RAB4A: variants seen among roughly 807,000 people sequenced by gnomAD.
RAB4A encodes the protein RAB4A, member RAS oncogene family, also known as ras-related protein Rab-4A.
Under a neutral mutation model 34.5 loss-of-function variants are expected in RAB4A, and 20 were observed. The observed-to-expected ratio is 0.58, with a 90% CI of 0.41 to 0.84. RAB4A has a LOEUF of 0.84. RAB4A is among the 40% of genes least tolerant of loss of function. RAB4A has a pLI of 0.00. For missense variants in RAB4A, 228 were observed against 274.5 expected, an observed-to-expected ratio of 0.83 and a Z score of 1.20; for synonymous variants, 102 against 100.0, an observed-to-expected ratio of 1.02 and a Z score of -0.12.
chr1:229,303,359 G>GA (rs869299981), intron 7 of RAB4A, among the ~76,000 whole-genome samples: 135 of 137,878 alleles, frequency 9.8e-4, no homozygotes, highest in Admixed American at 1.2e-3. Context: ...AACTGTCTCA[G>GA]AAAAAAAAAA....
At chr1:229,278,956 A>G (rs916563754) in intron 1 of RAB4A, among the ~76,000 whole-genome samples, 7 of 151,914 alleles carry the variant, frequency 4.6e-5, no homozygotes, top group African/African-American at 4.8e-5. Flanking sequence ...CCAAATCTCC[A>G]CTGTGTTGGC....
In RAB4A at chr1:229,305,126, C is replaced by T. The variant is rs748771452; in HGVS notation, c.*1333C>T. ...AGCAGAGCACAGAGACACATAAAAACTCTGGGAAATGACTAGGATAAAAAT... is the reference window on the plus strand; with the variant it reads ...AGCAGAGCACAGAGACACATAAAAATTCTGGGAAATGACTAGGATAAAAAT... On this transcript the variant is annotated 3_prime_UTR_variant, in exon 8 of 8. Coordinates refer to ENST00000366690, the MANE Select transcript of RAB4A (RefSeq NM_004578.4). The T allele has an allele frequency of 1.1e-5, 17 of 1,576,670 alleles. No individual in the cohort carries two copies. In the South Asian group the frequency reaches 1.9e-4, roughly 18 times the overall value.
In RAB4A at chr1:229,302,290, TATATATATA is replaced by T. The variant is rs1558242352; in HGVS notation, c.542-571_542-563del. On this transcript the variant is annotated intron_variant, in intron 6 of 7. Transcript: ENST00000366690. The stretch of plus-strand genomic sequence containing the variant: ...ATATATATATATATATATATATATA[TATATATATA>T]TATATATATATTTTTTTTTTTTTTT... 1.0e-2 allele frequency among the ~76,000 whole-genome samples: 245 copies of T among 24,534 alleles called. 22 individuals are homozygous for T. The highest frequency in any genetic ancestry group is 0.042 in the African/African-American group (229 of 5,466). 16.1% of individuals were successfully genotyped at this position (24,534 alleles called of 152,430 possible). A position where few individuals can be genotyped will look rare whatever the true frequency, so the allele number is the denominator to read the frequency against.
chr1:229,299,223 G>T (rs892317044), intron 6 of RAB4A, 151 bp downstream of exon 6: 6 of 589,814 alleles, frequency 1.0e-5, no homozygotes, highest in African/African-American at 1.9e-5. Flanking sequence ...GGGTTCAAAG[G>T]TCCTGTTCTT....
At chr1:229,287,620 C>T (rs905756229) in intron 2 of RAB4A, among the ~76,000 whole-genome samples, 14 of 152,248 alleles carry the variant, frequency 9.2e-5, no homozygotes, top group Middle Eastern at 6.8e-3. Context: ...CAGTAATGAA[C>T]GGAAGGTCTC....
At chr1:229,294,222 T>A (rs927035521) in intron 3 of RAB4A, among the ~76,000 whole-genome samples, 1 of 152,078 alleles carries the variant, frequency 6.6e-6, no homozygotes, top group Non-Finnish European at 1.5e-5. Context: ...CATGGAGATA[T>A]GGAGGCAGCA....
chr1:229,291,236 AAAG>A (rs1657060606), intron 3 of RAB4A, among the ~76,000 whole-genome samples: 1 of 152,244 alleles, frequency 6.6e-6, no homozygotes, highest in South Asian at 2.1e-4. Context: ...GATGTGCAAG[AAAG>A]AGGAGGAAGC....
intron 7 of RAB4A, among the ~76,000 whole-genome samples, 176 bp from the exon 8 acceptor site, chr1:229,303,627 GCTT>G (rs1332674615): frequency 5.3e-5 from 8 of 152,138 alleles, no homozygotes; most frequent in Non-Finnish European, 1.0e-4. Context: ...ACTTTTTAAA[GCTT>G]CTTCTTTTTT....
At chr1:229,277,933 C>T (rs965041936) in intron 1 of RAB4A, among the ~76,000 whole-genome samples, 2 of 151,392 alleles carry the variant, frequency 1.3e-5, no homozygotes, top group Non-Finnish European at 2.9e-5. Context: ...GGCATTATCT[C>T]AGCTCACTGC....
At chr1:229,297,660 T>C in intron 5 of RAB4A, 24 bp downstream of exon 5, 1 of 1,542,384 alleles carries the variant, frequency 6.5e-7, no homozygotes, top group Admixed American at 2.3e-5. Context: ...TACTTCTTAC[T>C]ATTTTTCAAA....
Position 229,305,526 on chromosome 1 carries a change from C to G in RAB4A, c.*1733C>G. On this transcript the variant is annotated 3_prime_UTR_variant, in exon 8 of 8. Coordinates refer to ENST00000366690, the MANE Select transcript of RAB4A (RefSeq NM_004578.4). ...CAAACCATGGTGGTTCTTAATCAGG[C>G]TTTGCCTTTAGGGAGAATGAGGAGG... is the stretch of plus-strand genomic sequence containing the variant. 1 of 375,818 alleles carries G rather than the reference C, an allele frequency of 2.7e-6. No homozygotes were observed. The highest frequency in any genetic ancestry group is 4.9e-6 in the Non-Finnish European group (1 of 205,846). 23.3% of individuals were successfully genotyped at this position (375,818 alleles called of 1,614,324 possible).
chr1:229,282,141 A>AT (rs1427806664), intron 1 of RAB4A, among the ~76,000 whole-genome samples: 3 of 151,114 alleles, frequency 2.0e-5, no homozygotes, highest in South Asian at 2.1e-4. Context: ...AATTCTGTTA[A>AT]TTTTTTTTTA....
At chr1:229,303,223 C>T (rs908947753) in intron 7 of RAB4A, among the ~76,000 whole-genome samples, 1 of 151,900 alleles carries the variant, frequency 6.6e-6, no homozygotes, top group African/African-American at 2.4e-5. Context: ...ATTAGCCAGG[C>T]GTGGTGGCGT....
chr1:229,296,785 C>T (rs1657261131), intron 4 of RAB4A, among the ~76,000 whole-genome samples: 1 of 152,246 alleles, frequency 6.6e-6, no homozygotes. Context: ...TCTGGCCCAG[C>T]CCTTCCTGCA....
intron 5 of RAB4A, among the ~76,000 whole-genome samples, chr1:229,298,144 A>G (rs989564331): frequency 6.6e-6 from 1 of 152,218 alleles, no homozygotes; most frequent in Non-Finnish European, 1.5e-5. Context: ...TGGTTGCTTA[A>G]TTAATGGATA....
Position 229,297,548 on chromosome 1 carries a change from T to C in RAB4A, c.357T>C (p.Ile119=). ...CCCGAATGCTAGCGAGCCAGAACAT[T>C]GTGATCATCCTTTGTGGAAACAAGA... ...TDARMLASQN[I]VIILCGNKKD... The change falls in exon 5 of 8, where the codon ATT becomes ATC. Residue 119 remains isoleucine (I), a synonymous_variant. Transcript: ENST00000366690. 6.2e-7 allele frequency: 1 copy of C among 1,613,400 alleles called. No homozygotes were observed. The highest frequency in any genetic ancestry group is 1.1e-5 in the South Asian group (1 of 90,872).
At chr1:229,295,456 G>A (rs1657224548) in intron 3 of RAB4A, among the ~76,000 whole-genome samples, 1 of 152,138 alleles carries the variant, frequency 6.6e-6, no homozygotes, top group Non-Finnish European at 1.5e-5. Context: ...GAGGTGGCGA[G>A]AACTGGAAGA....
intron 3 of RAB4A, 59 bp from the exon 4 acceptor site, chr1:229,295,789 A>G (rs2102851947): frequency 6.5e-7 from 1 of 1,548,002 alleles, no homozygotes; most frequent in Non-Finnish European, 8.9e-7. Flanking sequence ...TTCATGGGAA[A>G]GTGGGATACA....
Position 229,305,291 on chromosome 1 carries a change from T to C in RAB4A, c.*1498T>C. On this transcript the variant is annotated 3_prime_UTR_variant, in exon 8 of 8. Transcript: ENST00000366690. ...CTGTAAGAATATTTTATTCAATGTC[T>C]CATTTATGATAGATTTGCAAGCTGC... is the stretch of plus-strand genomic sequence containing the variant. The C allele has an allele frequency of 1.9e-6, 3 of 1,592,406 alleles. No individual in the cohort carries two copies. The South Asian group carries it at 3.5e-5, about 19-fold the overall frequency.
Sources: allele counts gnomAD v4.1 joint callset (sites outside exome capture counted in the v4.1 genomes callset), GRCh38; gene constraint gnomAD v4.1.1; transcripts MANE v1.5; gene names NCBI Gene and HGNC (gene_info 2026-07-23, HGNC 2026-07-21).